Variants in RIMS2 observed in about 807,000 individuals in gnomAD.
RIMS2 encodes regulating synaptic membrane exocytosis 2.
In RIMS2, 59 loss-of-function variants were observed where a neutral mutation model predicts 174.4. That is an observed-to-expected ratio of 0.34 (90% CI 0.27 to 0.42). The LOEUF is 0.42. RIMS2 is among the 10% of genes least tolerant of loss of function. The probability of loss-of-function intolerance (pLI) is 1.00; values close to 1 mark genes in which losing one functional copy is unlikely to be tolerated. For synonymous variants in RIMS2, 606 were observed against 572.5 expected (o/e 1.06, Z -0.84); for missense variants, 1,620 against 1,666.3 (o/e 0.97, Z 0.48).
At chr8:103,666,900 T>A (rs115534073) in intron 1 of RIMS2, among the ~76,000 whole-genome samples, 2,085 of 152,290 alleles carry the variant, frequency 0.014, 45 homozygotes, top group African/African-American at 0.044. Context: ...GGTGTTCTCA[T>A]AATCATGCAT....
chr8:103,950,958 T>C (rs1389559347), intron 14 of RIMS2, among the ~76,000 whole-genome samples: 2 of 152,204 alleles, frequency 1.3e-5, no homozygotes, highest in African/African-American at 4.8e-5. Context: ...ATTATTTCTA[T>C]GTACCAGCAA....
intron 3 of RIMS2, among the ~76,000 whole-genome samples, chr8:103,776,997 T>C (rs1486351439): frequency 6.6e-6 from 1 of 152,098 alleles, no homozygotes. Flanking sequence ...TTAAAAGGCA[T>C]TTTAAAACCA....
Position 103,691,266 on chromosome 8 carries a change from G to A in RIMS2, c.177-5820G>A, listed in dbSNP as rs542986474. 7.9e-5 allele frequency among the ~76,000 whole-genome samples: 12 copies of A among 152,052 alleles called. No individual in the cohort carries two copies. In the South Asian group the frequency reaches 1.2e-3, roughly 16 times the overall value. ...GGAAGTTCTCTGTTATTATCCCTTCGAACGAACTTTTACCCCATCTCTGTC... is the reference window on the plus strand; with the variant it reads ...GGAAGTTCTCTGTTATTATCCCTTCAAACGAACTTTTACCCCATCTCTGTC... On this transcript the variant is annotated intron_variant, in intron 1 of 23. Transcript: ENST00000504942.
At chr8:103,912,016 G>A (rs578227121) in intron 5 of RIMS2, 37 bp from the exon 9 acceptor site, 4 of 1,471,270 alleles carry the variant, frequency 2.7e-6, no homozygotes, top group Non-Finnish European at 3.7e-6. Context: ...TATTTATTTT[G>A]TATTTATTTA....
chr8:103,638,525 G>T (rs575967646), intron 1 of RIMS2, among the ~76,000 whole-genome samples: 2 of 152,030 alleles, frequency 1.3e-5, no homozygotes, highest in South Asian at 4.2e-4. Flanking sequence ...TCTTGAGGGA[G>T]CATTATAATC....
chr8:103,947,999 T>TA (rs752052024), intron 14 of RIMS2, among the ~76,000 whole-genome samples: 1 of 152,160 alleles, frequency 6.6e-6, no homozygotes, highest in Non-Finnish European at 1.5e-5. Context: ...GCAATAATAA[T>TA]AAGATAATAG....
intron 1 of RIMS2, among the ~76,000 whole-genome samples, chr8:103,557,209 T>C (rs993931395): frequency 7.9e-5 from 12 of 152,200 alleles, no homozygotes; most frequent in Non-Finnish European, 1.8e-4. Context: ...ATATTACTGA[T>C]CCTTAGTGAT....
intron 1 of RIMS2, among the ~76,000 whole-genome samples, chr8:103,644,525 A>T (rs945169601): frequency 1.3e-5 from 2 of 152,046 alleles, no homozygotes; most frequent in Admixed American, 6.6e-5. Context: ...GAAATAGGTG[A>T]TGTAATTAGT....
intron 16 of RIMS2, 184 bp downstream of exon 18, chr8:103,975,690 G>A (rs977493572): frequency 4.0e-6 from 2 of 499,912 alleles, no homozygotes; most frequent in Admixed American, 3.5e-5. Context: ...GAAGCCAGTA[G>A]TGGCTTAGTC....
intron 16 of RIMS2, among the ~76,000 whole-genome samples, chr8:103,983,753 C>T (rs979789510): frequency 1.3e-5 from 2 of 152,068 alleles, no homozygotes; most frequent in Non-Finnish European, 2.9e-5. Context: ...CAAATTAAAA[C>T]GGATTAAAGA....
intron 19 of RIMS2, among the ~76,000 whole-genome samples, chr8:104,185,681 C>T (rs1278550079): frequency 6.6e-6 from 1 of 151,424 alleles, no homozygotes; most frequent in African/African-American, 2.4e-5. Flanking sequence ...CAAATTAAAA[C>T]CACAATGAGA....
At chr8:103,791,904 C>T (rs1462638394) in intron 3 of RIMS2, among the ~76,000 whole-genome samples, 6 of 152,106 alleles carry the variant, frequency 3.9e-5, no homozygotes, top group African/African-American at 7.2e-5. Flanking sequence ...AATACAGGAT[C>T]GCCCAGATTC....
intron 2 of RIMS2, among the ~76,000 whole-genome samples, chr8:103,718,976 C>G (rs2097410072): frequency 6.6e-6 from 1 of 152,036 alleles, no homozygotes; most frequent in African/African-American, 2.4e-5. Context: ...AACTTCCTTC[C>G]CTCTTGCAAT....
At chr8:103,743,576 G>C (rs1299418982) in intron 2 of RIMS2, among the ~76,000 whole-genome samples, 1 of 151,596 alleles carries the variant, frequency 6.6e-6, no homozygotes, top group Non-Finnish European at 1.5e-5. Flanking sequence ...TATTACTTAT[G>C]ATTTTATTGA....
intron 1 of RIMS2, chr8:103,559,382 G>A: frequency 3.0e-6 from 1 of 329,858 alleles, no homozygotes. Flanking sequence ...GGTGTCCACG[G>A]CTGCTTCACG....
At chr8:104,223,930 C>T in intron 19 of RIMS2, 1 of 700,322 alleles carries the variant, frequency 1.4e-6, no homozygotes, top group East Asian at 3.0e-5. Context: ...CCGGGGGCGA[C>T]AGCCCTAGAG....
chr8:104,164,129 T>C (rs1237125044), intron 19 of RIMS2, among the ~76,000 whole-genome samples: 1 of 152,152 alleles, frequency 6.6e-6, no homozygotes, highest in East Asian at 1.9e-4. Flanking sequence ...TATCTCAATT[T>C]CTTGTCTCTT....
intron 21 of RIMS2, 99 bp downstream of exon 27, chr8:104,248,912 T>C (rs2099349090): frequency 3.2e-6 from 2 of 620,006 alleles, no homozygotes; most frequent in East Asian, 2.8e-5. Flanking sequence ...TCTCTCTCTC[T>C]TTCCCTCTCT....
At chr8:103,661,504 GTT>G (rs1033284603) in intron 1 of RIMS2, among the ~76,000 whole-genome samples, 2 of 151,584 alleles carry the variant, frequency 1.3e-5, no homozygotes, top group African/African-American at 4.8e-5. Context: ...TATAAATGCT[GTT>G]TTTTGTTTTT....
Sources: allele counts gnomAD v4.1 joint callset (sites outside exome capture counted in the v4.1 genomes callset), GRCh38; gene constraint gnomAD v4.1.1; transcripts MANE v1.5; gene names NCBI Gene and HGNC (gene_info 2026-07-23, HGNC 2026-07-21).